PTPRD: variants seen among roughly 807,000 people sequenced by gnomAD.
PTPRD encodes the protein protein tyrosine phosphatase receptor type D.
PTPRD carries 34 observed loss-of-function variants against 214.5 expected under a neutral mutation model. The ratio of observed to expected loss-of-function variants is 0.16; its 90% CI spans 0.12 to 0.21. The LOEUF (loss-of-function observed/expected upper bound fraction) is 0.21. Ranked by LOEUF, PTPRD falls within the 10% of genes least tolerant of loss-of-function variation. PTPRD has a pLI of 1.00. For synonymous variants in PTPRD, 1,128 were observed against 845.7 expected, an observed-to-expected ratio of 1.33 and a Z score of -5.79; for missense variants, 2,545 against 2,398.7, an observed-to-expected ratio of 1.06 and a Z score of -1.27.
At chr9:9,356,176 G>C (rs1312500718) in intron 9 of PTPRD, among the ~76,000 whole-genome samples, 1 of 151,402 alleles carries the variant, frequency 6.6e-6, no homozygotes, top group African/African-American at 2.4e-5. Context: ...CCAAGGAATA[G>C]GGAGAGTGAA....
intron 5 of PTPRD, among the ~76,000 whole-genome samples, chr9:9,929,426 A>G (rs555161258): frequency 1.3e-5 from 2 of 152,146 alleles, no homozygotes; most frequent in African/African-American, 4.8e-5. Flanking sequence ...GAGTCTCACT[A>G]CTCTGTCACC....
intron 5 of PTPRD, among the ~76,000 whole-genome samples, chr9:9,791,054 T>G (rs1358542028): frequency 6.6e-6 from 1 of 152,160 alleles, no homozygotes; most frequent in Non-Finnish European, 1.5e-5. Flanking sequence ...GTAGAATGCA[T>G]TAAAGGATTT....
At position 9,187,603 on chromosome 9, in the gene PTPRD, C is replaced by CCT. The variant is rs375062105; in HGVS notation, c.-202-4242_-202-4241dup. Among the ~76,000 whole-genome samples the CCT allele has an allele frequency of 3.2e-4, 48 of 150,150 alleles. No homozygotes were observed. In the South Asian group the frequency reaches 5.9e-3, roughly 18 times the overall value. ...CTCCCTCCCTGCTTCCCTCTCTTTC[C>CCT]CTCTCTCTCTCTCTCAACCTTGTTC... On this transcript the variant is annotated intron_variant, in intron 9 of 45. Coordinates refer to ENST00000381196, the MANE Select transcript of PTPRD (RefSeq NM_002839.4).
At chr9:8,850,797 A>G (rs369111121) in intron 11 of PTPRD, among the ~76,000 whole-genome samples, 2 of 152,242 alleles carry the variant, frequency 1.3e-5, no homozygotes, top group African/African-American at 4.8e-5. Flanking sequence ...AAGTAGTTGG[A>G]ATGTGTTTTC....
intron 14 of PTPRD, among the ~76,000 whole-genome samples, chr9:8,536,418 C>A (rs1319146170): frequency 1.3e-5 from 2 of 151,502 alleles, no homozygotes; most frequent in Admixed American, 1.3e-4. Context: ...TACACACACA[C>A]ATATACACAC....
chr9:10,223,436 G>A lies in PTPRD; in HGVS notation c.-545+117527C>T, dbSNP rs994707348. On this transcript the variant is annotated intron_variant, in intron 3 of 45. Transcript: ENST00000381196. ...TCTCAGCAGTTTGGGATTCTGAGGC[G>A]GGCAGATCACTTGAGGCCAGGAGTT... 1.2e-4 allele frequency among the ~76,000 whole-genome samples: 18 copies of A among 151,968 alleles called. 1 individual carries two copies. The highest frequency in any genetic ancestry group is 3.3e-4 in the Admixed American group (5 of 15,206).
chr9:8,593,569 G>C (rs137971183), intron 14 of PTPRD, among the ~76,000 whole-genome samples: 105 of 152,236 alleles, frequency 6.9e-4, no homozygotes, highest in African/African-American at 2.5e-3. Flanking sequence ...AGTATAGCTG[G>C]AGAAACATCT....
intron 2 of PTPRD, among the ~76,000 whole-genome samples, chr9:10,418,177 T>C (rs2154514680): frequency 6.6e-6 from 1 of 151,984 alleles, no homozygotes; most frequent in African/African-American, 2.4e-5. Flanking sequence ...TATAAACCTT[T>C]GAATTTCTTC....
At chr9:9,046,670 C>G (rs900495385) in intron 10 of PTPRD, among the ~76,000 whole-genome samples, 1 of 152,046 alleles carries the variant, frequency 6.6e-6, no homozygotes, top group African/African-American at 2.4e-5. Context: ...ATATTTTAGG[C>G]TTTGCAAGAC....
intron 30 of PTPRD, among the ~76,000 whole-genome samples, chr9:8,477,657 C>A (rs1042197162): frequency 3.3e-5 from 5 of 152,200 alleles, no homozygotes; most frequent in South Asian, 2.1e-4. Flanking sequence ...TGGCAACCCA[C>A]TGACTTTATT....
At chr9:9,411,606 A>G (rs2075456920) in intron 8 of PTPRD, among the ~76,000 whole-genome samples, 1 of 152,200 alleles carries the variant, frequency 6.6e-6, no homozygotes, top group Admixed American at 6.5e-5. Context: ...AATGAGAGCT[A>G]AATTGTTGTA....
At chr9:9,275,119 T>TTATATATAATATATATATAATATATTA (rs1944737071) in intron 9 of PTPRD, among the ~76,000 whole-genome samples, 3 of 53,494 alleles carry the variant, frequency 5.6e-5, no homozygotes, top group African/African-American at 1.6e-4. Flanking sequence ...TATATATATA[T>TTATATATAATATATATATAATATATTA]TATATATATT....
intron 3 of PTPRD, among the ~76,000 whole-genome samples, chr9:10,114,164 A>G (rs2098712383): frequency 6.6e-6 from 1 of 152,210 alleles, no homozygotes; most frequent in Non-Finnish European, 1.5e-5. Flanking sequence ...GTGCCATTAT[A>G]TAAGTCATTC....
At chr9:9,858,485 G>A (rs745692919) in intron 5 of PTPRD, among the ~76,000 whole-genome samples, 2 of 152,100 alleles carry the variant, frequency 1.3e-5, no homozygotes, top group Non-Finnish European at 2.9e-5. Context: ...CAAACACCTG[G>A]CAAATGTGCC....
At chr9:10,102,331 G>C (rs2098558626) in intron 3 of PTPRD, among the ~76,000 whole-genome samples, 1 of 151,368 alleles carries the variant, frequency 6.6e-6, no homozygotes, top group Non-Finnish European at 1.5e-5. Context: ...CATTCCTCCT[G>C]AGTAGAAAAC....
At chr9:9,806,666 C>A (rs1210192917) in intron 5 of PTPRD, among the ~76,000 whole-genome samples, 1 of 152,142 alleles carries the variant, frequency 6.6e-6, no homozygotes, top group Non-Finnish European at 1.5e-5. Flanking sequence ...GAATAAAGAG[C>A]CTTGCTGCTC....
chr9:10,582,235 T>G (rs1294622502), intron 2 of PTPRD, among the ~76,000 whole-genome samples: 1 of 152,110 alleles, frequency 6.6e-6, no homozygotes, highest in Non-Finnish European at 1.5e-5. Context: ...GCATGAGCCA[T>G]TATCAGTTTT....
At position 9,769,407 on chromosome 9, in the gene PTPRD, G is replaced by C. The variant is rs566738148; in HGVS notation, c.-367-2556C>G. On this transcript the variant is annotated intron_variant, in intron 5 of 45. Transcript: ENST00000381196. ...GTGGTGCAATCTCCGCTCACTGCAA[G>C]CTCCGCCTCCCGGGTTCACACCATT... Among the ~76,000 whole-genome samples the C allele has an allele frequency of 1.4e-3, 176 of 127,052 alleles. 2 individuals are homozygous for C. Among genetic ancestry groups the C allele is most frequent in the African/African-American group, 4.8e-3 (160 of 33,404 alleles). 83.4% of individuals were successfully genotyped at this position (127,052 alleles called of 152,430 possible).
At chr9:8,674,863 G>T (rs540441549) in intron 12 of PTPRD, among the ~76,000 whole-genome samples, 9 of 151,956 alleles carry the variant, frequency 5.9e-5, no homozygotes, top group African/African-American at 1.9e-4. Context: ...TTTGTTTGGG[G>T]TTTTTTTGCT....
Sources: allele counts gnomAD v4.1 joint callset (sites outside exome capture counted in the v4.1 genomes callset), GRCh38; gene constraint gnomAD v4.1.1; transcripts MANE v1.5; gene names NCBI Gene and HGNC (gene_info 2026-07-23, HGNC 2026-07-21).